GFRAL: variants seen among roughly 807,000 people sequenced by gnomAD.
The protein encoded by GFRAL is GDNF family receptor alpha like.
In GFRAL, 36 loss-of-function variants were observed where a neutral mutation model predicts 45.4. That is an observed-to-expected ratio of 0.79 (90% confidence interval 0.61 to 1.05). The LOEUF (loss-of-function observed/expected upper bound fraction) is 1.05. Among genes scored for constraint, GFRAL ranks in the 50% least tolerant of loss-of-function variants. The probability of loss-of-function intolerance (pLI) is 0.00; values close to 1 mark genes in which losing one functional copy is unlikely to be tolerated. For synonymous variants in GFRAL, 166 were observed against 154.1 expected (o/e 1.08, Z -0.57); for missense variants, 507 against 467.5 (o/e 1.08, Z -0.78).
At chr6:55,398,953 T>C (rs1450964267) in intron 6 of GFRAL, among the ~76,000 whole-genome samples, 3 of 152,124 alleles carry the variant, frequency 2.0e-5, no homozygotes, top group Admixed American at 6.5e-5. Flanking sequence ...TGTACTAATC[T>C]TGGTTTGCAA....
intron 6 of GFRAL, among the ~76,000 whole-genome samples, chr6:55,374,049 T>C (rs1216893816): frequency 6.6e-6 from 1 of 152,198 alleles, no homozygotes; most frequent in Non-Finnish European, 1.5e-5. Flanking sequence ...GGCTTCCAAT[T>C]CCATCCATTT....
At position 55,359,001 on chromosome 6, in the gene GFRAL, G is replaced by A. The variant is rs1423976356; in HGVS notation, c.815G>A (p.Ser272Asn). The A allele has an allele frequency of 1.9e-6, 3 of 1,613,004 alleles. No individual in the cohort carries two copies. In the East Asian group the frequency reaches 6.7e-5, roughly 36 times the overall value. The change falls in exon 6 of 9, where the codon AGT (serine) becomes AAT (asparagine). Residue 272 changes from serine to asparagine, a missense_variant. Transcript: ENST00000340465. Reference sequence around the variant, plus strand: ...AAACAGGACCTCACTTGTTCAGGAAGTGATGACTGCAAAGCTGCTTACATA... The same window carrying A: ...AAACAGGACCTCACTTGTTCAGGAAATGATGACTGCAAAGCTGCTTACATA... ...LSKQDLTCSG[S>N]DDCKAAYIDI...
chr6:55,344,425 A>G (rs1010913748), intron 3 of GFRAL, among the ~76,000 whole-genome samples: 1 of 152,194 alleles, frequency 6.6e-6, no homozygotes, highest in African/African-American at 2.4e-5. Flanking sequence ...TATAAACAGA[A>G]CCAAAGACAA....
chr6:55,385,303 T>A (rs566027405), intron 6 of GFRAL, among the ~76,000 whole-genome samples: 1 of 152,202 alleles, frequency 6.6e-6, no homozygotes, highest in South Asian at 2.1e-4. Flanking sequence ...ATAAAAGATG[T>A]ATCTTAAAAA....
intron 6 of GFRAL, among the ~76,000 whole-genome samples, chr6:55,362,672 T>A (rs1446278646): frequency 6.6e-6 from 1 of 151,996 alleles, no homozygotes; most frequent in African/African-American, 2.4e-5. Context: ...TTGTTTTCAG[T>A]CCATTATACC....
intron 3 of GFRAL, among the ~76,000 whole-genome samples, chr6:55,346,939 G>A (rs910792228): frequency 2.0e-5 from 3 of 151,250 alleles, no homozygotes; most frequent in Non-Finnish European, 2.9e-5. Context: ...AATATTGGTG[G>A]TAATTAATTT....
intron 3 of GFRAL, among the ~76,000 whole-genome samples, chr6:55,348,500 C>A (rs1031207107): frequency 6.6e-6 from 1 of 151,940 alleles, no homozygotes; most frequent in East Asian, 1.9e-4. Context: ...TGTATTTTTC[C>A]CCAGTTCCGG....
intron 1 of GFRAL, among the ~76,000 whole-genome samples, chr6:55,331,147 A>G (rs9382485): frequency 0.49 from 73,852 of 152,026 alleles, 19,348 homozygotes; most frequent in Non-Finnish European, 0.61. Context: ...AGTTCAAACC[A>G]TAAGAGTACA....
chr6:55,369,493 T>G (rs1768420832), intron 6 of GFRAL, among the ~76,000 whole-genome samples: 1 of 152,204 alleles, frequency 6.6e-6, no homozygotes, highest in South Asian at 2.1e-4. Context: ...AAAGGTCATA[T>G]CATATCTTAT....
chr6:55,387,773 G>A (rs1390557507), intron 6 of GFRAL, among the ~76,000 whole-genome samples: 1 of 152,036 alleles, frequency 6.6e-6, no homozygotes, highest in Non-Finnish European at 1.5e-5. Context: ...TTACAACATT[G>A]CAAACATCAA....
intron 6 of GFRAL, among the ~76,000 whole-genome samples, chr6:55,387,585 C>G (rs1008621393): frequency 6.6e-6 from 1 of 152,072 alleles, no homozygotes; most frequent in African/African-American, 2.4e-5. Context: ...AAGAGGGACT[C>G]TTTAGAAAAA....
chr6:55,389,692 C>T (rs943488649), intron 6 of GFRAL, among the ~76,000 whole-genome samples: 1 of 152,120 alleles, frequency 6.6e-6, no homozygotes, highest in African/African-American at 2.4e-5. Flanking sequence ...AAGGCTGACC[C>T]CTTTCTACTA....
At chr6:55,333,741 T>C (rs768541907) in intron 2 of GFRAL, 45 bp from the exon 3 acceptor site, 1 of 1,321,778 alleles carries the variant, frequency 7.6e-7, no homozygotes, top group Non-Finnish European at 1.0e-6. Flanking sequence ...GAATCCAAAA[T>C]TATAATCAGA....
At chr6:55,383,324 T>G (rs1466974985) in intron 6 of GFRAL, among the ~76,000 whole-genome samples, 2 of 151,974 alleles carry the variant, frequency 1.3e-5, no homozygotes, top group Non-Finnish European at 2.9e-5. Context: ...AAGACATGAA[T>G]TTACTATCCA....
chr6:55,397,142 G>A (rs1309224633), intron 6 of GFRAL, among the ~76,000 whole-genome samples: 2 of 152,134 alleles, frequency 1.3e-5, no homozygotes, highest in Non-Finnish European at 2.9e-5. Context: ...CTTCCAAAGT[G>A]CTGGTTTTAC....
intron 6 of GFRAL, among the ~76,000 whole-genome samples, chr6:55,361,237 C>G (rs1278799815): frequency 6.6e-6 from 1 of 151,928 alleles, no homozygotes; most frequent in Non-Finnish European, 1.5e-5. Context: ...ATTAAAGGAA[C>G]CTCAAAGGCC....
At chr6:55,338,922 T>C (rs770825663) in intron 3 of GFRAL, among the ~76,000 whole-genome samples, 1 of 152,114 alleles carries the variant, frequency 6.6e-6, no homozygotes, top group Non-Finnish European at 1.5e-5. Context: ...AATAGAGGAA[T>C]GTATCATCAG....
chr6:55,346,312 C>T (rs1042336245), intron 3 of GFRAL, among the ~76,000 whole-genome samples: 1 of 152,066 alleles, frequency 6.6e-6, no homozygotes, highest in African/African-American at 2.4e-5. Context: ...CAATGATAGA[C>T]TTGATTAAGG....
intron 6 of GFRAL, among the ~76,000 whole-genome samples, chr6:55,383,702 TTGTACATACCTTCC>T (rs779022743): frequency 1.3e-5 from 2 of 151,994 alleles, no homozygotes; most frequent in Non-Finnish European, 1.5e-5. Flanking sequence ...CTACACATGA[TTGTACATACCTTCC>T]TGCCGTCTAC....
Sources: gnomAD v4.1 joint callset for allele counts (sites outside exome capture counted in the v4.1 genomes callset) on GRCh38, gnomAD v4.1.1 for gene constraint, MANE v1.5 for transcripts, NCBI Gene and HGNC (gene_info 2026-07-23, HGNC 2026-07-21) for gene names.